Variants in CRYBA4 observed in about 807,000 individuals in gnomAD.
CRYBA4 encodes beta-crystallin A4.
Under a neutral mutation model 31.7 loss-of-function variants are expected in CRYBA4, and 30 were observed. The observed-to-expected ratio is 0.95, with a 90% confidence interval of 0.71 to 1.28. The LOEUF is 1.28. Ranked by LOEUF, CRYBA4 falls within the 50% of genes most tolerant of loss-of-function variation. CRYBA4 has a pLI of 0.00. For synonymous variants in CRYBA4, 102 were observed against 102.3 expected (o/e 1.00, Z 0.02); for missense variants, 225 against 260.7 (o/e 0.86, Z 0.94).
the CRYBA4 span, among the ~76,000 whole-genome samples, chr22:26,602,668 C>G: frequency 3.3e-5 from 5 of 152,036 alleles, no homozygotes; most frequent in Non-Finnish European, 7.4e-5. Flanking sequence ...GCTTATTGAT[C>G]AACATCACAC....
intron 5 of CRYBA4, among the ~76,000 whole-genome samples, chr22:26,629,183 AT>A (rs1385414422): frequency 3.3e-5 from 5 of 152,020 alleles, no homozygotes; most frequent in Admixed American, 3.3e-4. Flanking sequence ...AAGGTGTGAG[AT>A]TCTTATTTAG....
upstream of CRYBA4, among the ~76,000 whole-genome samples, chr22:26,617,605 T>C (rs922831778): frequency 2.6e-5 from 4 of 151,988 alleles, no homozygotes; most frequent in Non-Finnish European, 4.4e-5. Flanking sequence ...ACCCTCTCCC[T>C]CTGTTCCTCC....
At chr22:26,597,464 A>C in the CRYBA4 span, among the ~76,000 whole-genome samples, 20 of 152,240 alleles carry the variant, frequency 1.3e-4, no homozygotes, top group African/African-American at 4.8e-4. Context: ...TCTTTTTATC[A>C]TTTGCACAAA....
chr22:26,593,358 C>T, the CRYBA4 span, among the ~76,000 whole-genome samples: 3 of 152,122 alleles, frequency 2.0e-5, no homozygotes, highest in African/African-American at 7.2e-5. Flanking sequence ...ACACTTTAGG[C>T]CAGGCTCAAT....
In CRYBA4 at chr22:26,630,593, A is replaced by C. The variant is rs1766750153; in HGVS notation, c.*106A>C. 4 of 966,310 alleles carry C rather than the reference A, an allele frequency of 4.1e-6. No individual in the cohort carries two copies. The South Asian group carries it at 5.6e-5, about 14-fold the overall frequency. The allele number at this position is 966,310 out of a possible 1,614,324, so 59.9% of individuals were successfully genotyped here. A position where few individuals can be genotyped will look rare whatever the true frequency, so the allele number is the denominator to read the frequency against. ...CTGCCTCCCCCTGTAACCTGTGTGA[A>C]CCCAGCACCCATGTGAACTGGTCCG... is the stretch of plus-strand genomic sequence containing the variant. On this transcript the variant is annotated 3_prime_UTR_variant, in exon 6 of 6. Transcript: ENST00000354760.
the CRYBA4 span, among the ~76,000 whole-genome samples, chr22:26,610,606 G>A: frequency 6.6e-6 from 1 of 152,212 alleles, no homozygotes. Context: ...CACTGAGGGT[G>A]CAGGAGGTAG....
chr22:26,605,185 T>G, the CRYBA4 span, among the ~76,000 whole-genome samples: 1 of 152,180 alleles, frequency 6.6e-6, no homozygotes, highest in Non-Finnish European at 1.5e-5. Flanking sequence ...GAGCCCCCAG[T>G]TCCTGCTTCT....
the CRYBA4 span, chr22:26,599,408 A>C: frequency 6.8e-7 from 1 of 1,469,126 alleles, no homozygotes; most frequent in African/African-American, 1.4e-5. Flanking sequence ...GGCTTTAGGG[A>C]ATTTTATTTG....
intron 5 of CRYBA4, 25 bp from the exon 6 acceptor site, chr22:26,630,315 A>G (rs752163665): frequency 4.3e-6 from 7 of 1,613,828 alleles, no homozygotes; most frequent in South Asian, 1.1e-5. Context: ...CTGTAGAGTA[A>G]CTGTCTGCCT....
chr22:26,595,046 A>G, the CRYBA4 span, among the ~76,000 whole-genome samples: 2 of 151,772 alleles, frequency 1.3e-5, no homozygotes, highest in Admixed American at 6.6e-5. Flanking sequence ...AGTCACACTC[A>G]CTCTCAGCCT....
chr22:26,607,098 C>T, the CRYBA4 span, among the ~76,000 whole-genome samples: 1 of 147,850 alleles, frequency 6.8e-6, no homozygotes, highest in South Asian at 2.2e-4. Context: ...TCTCGGCTCA[C>T]TGCAACCTCT....
the CRYBA4 span, among the ~76,000 whole-genome samples, chr22:26,613,294 C>T: frequency 6.6e-6 from 1 of 152,186 alleles, no homozygotes; most frequent in East Asian, 1.9e-4. Flanking sequence ...TCAGTTTCCC[C>T]AGCTGTAAGA....
the CRYBA4 span, among the ~76,000 whole-genome samples, chr22:26,597,368 A>G: frequency 6.6e-6 from 1 of 152,226 alleles, no homozygotes. Context: ...GCACAGCACA[A>G]GGGTATCACA....
chr22:26,599,386 A>G, the CRYBA4 span: 1 of 1,132,968 alleles, frequency 8.8e-7, no homozygotes, highest in African/African-American at 1.5e-5. Context: ...TTACAGATCC[A>G]GGAGAAATTT....
At chr22:26,592,107 C>G in the CRYBA4 span, among the ~76,000 whole-genome samples, 2 of 152,120 alleles carry the variant, frequency 1.3e-5, no homozygotes, top group Admixed American at 6.5e-5. Flanking sequence ...GGAAACAATA[C>G]AACAACATTA....
chr22:26,602,223 A>C, the CRYBA4 span, among the ~76,000 whole-genome samples: 122 of 152,254 alleles, frequency 8.0e-4, 1 homozygote, highest in East Asian at 0.022. Context: ...GGTCCTCGTG[A>C]GGATGAAATG....
At chr22:26,615,133 G>A in the CRYBA4 span, among the ~76,000 whole-genome samples, 3 of 152,156 alleles carry the variant, frequency 2.0e-5, no homozygotes, top group Non-Finnish European at 4.4e-5. Flanking sequence ...AACCTGCCAC[G>A]CACTGACCAC....
chr22:26,608,021 G>A, the CRYBA4 span: 200 of 1,614,160 alleles, frequency 1.2e-4, no homozygotes, highest in Middle Eastern at 1.6e-4. Context: ...AGGCGACCCA[G>A]CTGGATACAA....
At chr22:26,600,389 G>A in the CRYBA4 span, among the ~76,000 whole-genome samples, 4 of 151,852 alleles carry the variant, frequency 2.6e-5, no homozygotes, top group South Asian at 2.1e-4. Flanking sequence ...GGGACAGAGC[G>A]AGACTCCATC....
Sources: gnomAD v4.1 joint callset for allele counts (sites outside exome capture counted in the v4.1 genomes callset) on GRCh38, gnomAD v4.1.1 for gene constraint, MANE v1.5 for transcripts, NCBI Gene and HGNC (gene_info 2026-07-23, HGNC 2026-07-21) for gene names.